MIER2: variants seen among roughly 807,000 people sequenced by gnomAD.
MIER2 encodes MIER family member 2.
MIER2 carries 30 observed loss-of-function variants against 67.6 expected under a neutral mutation model. The ratio of observed to expected loss-of-function variants is 0.44; its 90% CI spans 0.33 to 0.60. MIER2 has a LOEUF of 0.60. Ranked by LOEUF, MIER2 falls within the 20% of genes least tolerant of loss-of-function variation. MIER2 has a pLI of 0.02. For synonymous variants in MIER2, 372 were observed against 312.6 expected (o/e 1.19, Z -2.00); for missense variants, 702 against 745.1 (o/e 0.94, Z 0.67).
intron 3 of MIER2, among the ~76,000 whole-genome samples, chr19:330,788 G>A (rs961099511): frequency 6.6e-6 from 1 of 152,078 alleles, no homozygotes; most frequent in Non-Finnish European, 1.5e-5. Flanking sequence ...AGCAAGCCAA[G>A]AAGAGAGCCG....
At chr19:317,387 A>C (rs8110810) in intron 7 of MIER2, among the ~76,000 whole-genome samples, 104,061 of 151,626 alleles carry the variant, frequency 0.69, 36,156 homozygotes, top group African/African-American at 0.8. Context: ...ATTAGCCGGG[A>C]GTCATGGCGG....
At position 313,364 on chromosome 19, in the gene MIER2, T is replaced by C. The variant is rs374604240; in HGVS notation, c.807+128A>G. On this transcript the variant is annotated intron_variant, in intron 8 of 13. Coordinates refer to ENST00000264819, the MANE Select transcript of MIER2 (RefSeq NM_017550.3). ...GACCTGAGTAGCTGTTCCAGTGCCC[T>C]GGCCCCCACACACCTGACCCCTGCC... 2.5e-5 allele frequency: 36 copies of C among 1,431,592 alleles called. No homozygotes were observed. In the East Asian group the frequency reaches 4.8e-4, roughly 19 times the overall value. 88.7% of individuals were successfully genotyped at this position (1,431,592 alleles called of 1,614,324 possible).
At chr19:320,358 C>T (rs917296269) in intron 7 of MIER2, among the ~76,000 whole-genome samples, 9 of 150,532 alleles carry the variant, frequency 6.0e-5, no homozygotes, top group East Asian at 5.8e-4. Context: ...CCAGCCTGAG[C>T]GACAGAGCAA....
chr19:336,688 A>G (rs556613850), intron 1 of MIER2, among the ~76,000 whole-genome samples: 2 of 152,304 alleles, frequency 1.3e-5, no homozygotes, highest in East Asian at 3.9e-4. Context: ...ATGTTTTAGA[A>G]TCAGATAGAG....
At chr19:340,350 G>A (rs534658019) in intron 1 of MIER2, among the ~76,000 whole-genome samples, 95 of 152,292 alleles carry the variant, frequency 6.2e-4, no homozygotes, top group African/African-American at 2.2e-3. Context: ...CTGACTCCCC[G>A]ACACTTGATT....
intron 10 of MIER2, 131 bp from the exon 11 acceptor site, chr19:309,056 G>C (rs796884926): frequency 4.5e-6 from 6 of 1,318,892 alleles, no homozygotes; most frequent in South Asian, 4.3e-5. Context: ...CTCAGATAAC[G>C]CAAGACCCCC....
chr19:315,772 C>T (rs1397561448), intron 7 of MIER2, among the ~76,000 whole-genome samples: 1 of 152,194 alleles, frequency 6.6e-6, no homozygotes, highest in African/African-American at 2.4e-5. Flanking sequence ...AAGGAGGCAG[C>T]ACAAAATCTG....
chr19:310,318 C>G (rs1188990240), intron 10 of MIER2, among the ~76,000 whole-genome samples: 2 of 152,238 alleles, frequency 1.3e-5, no homozygotes, highest in African/African-American at 2.4e-5. Flanking sequence ...GGGGTCCTGC[C>G]TGGGGGCGAG....
intron 1 of MIER2, chr19:344,172 C>A: frequency 1.0e-6 from 1 of 985,476 alleles, no homozygotes; most frequent in South Asian, 4.7e-5. Context: ...CCCCGACGCT[C>A]TCTAGGCCCC....
intron 7 of MIER2, among the ~76,000 whole-genome samples, chr19:316,188 G>A (rs769718155): frequency 2.0e-4 from 31 of 152,196 alleles, no homozygotes; most frequent in African/African-American, 4.3e-4. Flanking sequence ...AAGTTCTTCC[G>A]GCTGAAGGAA....
chr19:336,784 A>AT (rs903699598), intron 1 of MIER2, among the ~76,000 whole-genome samples: 21 of 151,678 alleles, frequency 1.4e-4, no homozygotes, highest in African/African-American at 2.4e-4. Context: ...GTCAATTACA[A>AT]TTTTTTTTTA....
intron 7 of MIER2, among the ~76,000 whole-genome samples, chr19:320,205 T>G (rs908435333): frequency 6.8e-6 from 1 of 148,074 alleles, no homozygotes; most frequent in African/African-American, 2.4e-5. Context: ...TGAAGCCTGG[T>G]CTCTACAAAA....
chr19:335,767 C>A (rs1031409903), intron 2 of MIER2, among the ~76,000 whole-genome samples: 1 of 152,104 alleles, frequency 6.6e-6, no homozygotes, highest in African/African-American at 2.4e-5. Context: ...AGCAAGCCAC[C>A]CCTTCCCAAC....
intron 12 of MIER2, 131 bp from the exon 13 acceptor site, chr19:307,667 A>C: frequency 2.1e-6 from 2 of 972,828 alleles, no homozygotes; most frequent in Non-Finnish European, 2.8e-6. Flanking sequence ...CACAAATACA[A>C]AAGACACCAG....
intron 7 of MIER2, among the ~76,000 whole-genome samples, chr19:315,405 C>A (rs982988080): frequency 6.6e-6 from 1 of 152,174 alleles, no homozygotes; most frequent in Non-Finnish European, 1.5e-5. Flanking sequence ...GACAACAAAG[C>A]AGGTCTACAC....
chr19:329,882 A>G (rs924810467), intron 3 of MIER2, among the ~76,000 whole-genome samples: 1 of 151,652 alleles, frequency 6.6e-6, no homozygotes, highest in Admixed American at 6.6e-5. Flanking sequence ...AAAAAAAAAA[A>G]AAAAAGAAGA....
intron 10 of MIER2, among the ~76,000 whole-genome samples, chr19:311,617 G>C (rs1440021181): frequency 6.6e-6 from 1 of 152,142 alleles, no homozygotes; most frequent in African/African-American, 2.4e-5. Context: ...TTCAGCTTTT[G>C]CCACATTCTT....
At chr19:342,384 G>A (rs1329507879) in intron 1 of MIER2, among the ~76,000 whole-genome samples, 1 of 151,888 alleles carries the variant, frequency 6.6e-6, no homozygotes, top group African/African-American at 2.4e-5. Flanking sequence ...AGGCCTGGGG[G>A]GCCTCAGTCG....
chr19:314,091 G>A (rs1335469436), intron 7 of MIER2, among the ~76,000 whole-genome samples: 1 of 152,194 alleles, frequency 6.6e-6, no homozygotes, highest in Non-Finnish European at 1.5e-5. Flanking sequence ...GCCTGAGGGA[G>A]CAGCAAGGAC....
Sources: allele counts gnomAD v4.1 joint callset (sites outside exome capture counted in the v4.1 genomes callset), GRCh38; gene constraint gnomAD v4.1.1; transcripts MANE v1.5; gene names NCBI Gene and HGNC (gene_info 2026-07-23, HGNC 2026-07-21).